The following SLC44A1 variants were observed in gnomAD, a reference collection of about 807,000 sequenced individuals.
SLC44A1 encodes solute carrier family 44 member 1, also known as choline transporter-like protein 1.
A neutral mutation model predicts 79.3 loss-of-function variants in SLC44A1; 26 were observed. That is an observed-to-expected ratio of 0.33 (90% CI 0.24 to 0.46). The LOEUF (loss-of-function observed/expected upper bound fraction) is 0.46. Among genes scored for constraint, SLC44A1 ranks in the 20% least tolerant of loss-of-function variants. SLC44A1 has a pLI of 1.00. For missense variants in SLC44A1, 688 were observed against 798.1 expected (o/e 0.86, Z 1.66); for synonymous variants, 263 against 286.2 (o/e 0.92, Z 0.82).
At position 105,392,898 on chromosome 9, in the gene SLC44A1, G is replaced by C; in HGVS notation, c.*3842G>C. 2.0e-6 allele frequency: 2 copies of C among 985,134 alleles called. No individual in the cohort carries two copies. The highest frequency in any genetic ancestry group is 2.4e-6 in the Non-Finnish European group (2 of 829,756). 61.0% of individuals were successfully genotyped at this position (985,134 alleles called of 1,614,324 possible). On this transcript the variant is annotated 3_prime_UTR_variant, in exon 16 of 16. Transcript: ENST00000374720. ...CCTCTGAGAAGTTTCCTCCAGAAAG[G>C]TCTTTAAGCTTTCGCTTTTCAATAA...
intron 1 of SLC44A1, among the ~76,000 whole-genome samples, chr9:105,279,614 C>A (rs989278901): frequency 2.0e-4 from 31 of 152,252 alleles, no homozygotes; most frequent in African/African-American, 7.5e-4. Flanking sequence ...CTGCGCCTGG[C>A]CGAGAAAACT....
chr9:105,330,200 G>T (rs923341644), intron 3 of SLC44A1, among the ~76,000 whole-genome samples: 2 of 152,122 alleles, frequency 1.3e-5, no homozygotes, highest in Non-Finnish European at 2.9e-5. Context: ...GTCTGTCAGG[G>T]ATCCCAGAAG....
intron 3 of SLC44A1, among the ~76,000 whole-genome samples, chr9:105,320,350 T>C (rs1450259972): frequency 6.6e-6 from 1 of 151,102 alleles, no homozygotes; most frequent in Admixed American, 6.6e-5. Flanking sequence ...AATTTGTGTA[T>C]GTAATTTAAT....
At chr9:105,286,963 TTAAAAAA>T (rs1830493288) in intron 1 of SLC44A1, among the ~76,000 whole-genome samples, 1 of 152,052 alleles carries the variant, frequency 6.6e-6, no homozygotes, top group African/African-American at 2.4e-5. Flanking sequence ...GATTCTCTCT[TTAAAAAA>T]TAAATAAAAT....
chr9:105,362,852 G>T lies in SLC44A1; in HGVS notation c.932G>T (p.Arg311Leu). Residue 311 changes from arginine (R) to leucine (L), a missense_variant, in exon 9 of 16, where the codon CGC (arginine) becomes CTC (leucine). Coordinates refer to ENST00000374720, the MANE Select transcript of SLC44A1 (RefSeq NM_080546.5). ...TTATTCCTGATAATGTTGGTTATGC[G>T]CAAACGTGTTGCTCTTACCATCGCC... The part of the protein sequence containing the change: ...VILFLIMLVM[R>L]KRVALTIALF... 1 of 1,609,568 alleles carries T rather than the reference G, an allele frequency of 6.2e-7. No homozygotes were observed. Among genetic ancestry groups the T allele is most frequent in the Non-Finnish European group, 8.5e-7 (1 of 1,178,436 alleles).
chr9:105,411,277 A>G (rs936249465), intron 15 of SLC44A1, among the ~76,000 whole-genome samples: 6 of 152,130 alleles, frequency 3.9e-5, no homozygotes, highest in African/African-American at 1.4e-4. Context: ...CTTCATCTAC[A>G]TTCCCTAAAT....
Position 105,397,337 on chromosome 9 carries a change from T to A in SLC44A1, c.*8281T>A. On this transcript the variant is annotated 3_prime_UTR_variant, in exon 16 of 16. Transcript: ENST00000374720. ...TTTTTATGTAATAAATAAAATTTTA[T>A]AGGAAAGAATGTTATTGTCTACTGT... is the stretch of plus-strand genomic sequence containing the variant. The A allele has an allele frequency of 1.0e-6, 1 of 980,826 alleles. No homozygotes were observed. Among genetic ancestry groups the A allele is most frequent in the Non-Finnish European group, 1.2e-6 (1 of 825,704 alleles). The allele number at this position is 980,826 out of a possible 1,614,324, so 60.8% of individuals were successfully genotyped here. A position where few individuals can be genotyped will look rare whatever the true frequency, so the allele number is the denominator to read the frequency against.
chr9:105,261,068 C>T (rs548424540), intron 1 of SLC44A1, among the ~76,000 whole-genome samples: 1 of 152,190 alleles, frequency 6.6e-6, no homozygotes, highest in East Asian at 1.9e-4. Context: ...GGGAATGAAC[C>T]TGAAAATTAA....
intron 1 of SLC44A1, among the ~76,000 whole-genome samples, chr9:105,288,755 GTTAT>G (rs1830534831): frequency 1.3e-5 from 2 of 152,182 alleles, no homozygotes; most frequent in Non-Finnish European, 2.9e-5. Flanking sequence ...CTTAACCAAT[GTTAT>G]CAGCGTTCTG....
intron 1 of SLC44A1, among the ~76,000 whole-genome samples, chr9:105,285,031 T>G (rs1488603803): frequency 6.6e-6 from 1 of 152,268 alleles, no homozygotes; most frequent in Non-Finnish European, 1.5e-5. Context: ...GTGCCTGGTT[T>G]CTTTCACTTA....
Position 105,395,720 on chromosome 9 carries a change from T to C in SLC44A1, c.*6664T>C. 1 of 985,264 alleles carries C rather than the reference T, an allele frequency of 1.0e-6. No homozygotes were observed. Among genetic ancestry groups the C allele is most frequent in the Non-Finnish European group, 1.2e-6 (1 of 829,820 alleles). The allele number at this position is 985,264 out of a possible 1,614,324, so 61.0% of individuals were successfully genotyped here. On this transcript the variant is annotated 3_prime_UTR_variant, in exon 16 of 16. Transcript: ENST00000374720. ...CCACCCATCCTGTCAGCTAGGATTA[T>C]AATTTGAACTGTCGTTTCAGGAGCA...
rs1180440813 is a variant in SLC44A1, at chr9:105,299,118, G to T, written c.37-102G>T. The T allele has an allele frequency of 7.6e-6, 6 of 791,698 alleles. No individual in the cohort carries two copies. The Admixed American group carries it at 8.1e-5, about 11-fold the overall frequency. The allele number at this position is 791,698 out of a possible 1,614,324, so 49.0% of individuals were successfully genotyped here. On this transcript the variant is annotated intron_variant, in intron 1 of 15. Coordinates refer to ENST00000374720, the MANE Select transcript of SLC44A1 (RefSeq NM_080546.5). ...TGTCTTAAAGGTTCAATAGAAACTTGTTTGGCAAAGAAGGGCTCTAGCTAT... is the reference window on the plus strand; with the variant it reads ...TGTCTTAAAGGTTCAATAGAAACTTTTTTGGCAAAGAAGGGCTCTAGCTAT...
intron 1 of SLC44A1, among the ~76,000 whole-genome samples, chr9:105,282,078 G>A (rs528515228): frequency 2.0e-5 from 3 of 152,294 alleles, no homozygotes; most frequent in Admixed American, 6.5e-5. Context: ...ATAAATTGCC[G>A]TAATTGTATA....
At chr9:105,421,085 G>T (rs780507120) in intron 15 of SLC44A1, among the ~76,000 whole-genome samples, 5 of 152,100 alleles carry the variant, frequency 3.3e-5, no homozygotes, top group Non-Finnish European at 7.4e-5. Context: ...AAAGGCAGGT[G>T]TTAAGCGTTT....
chr9:105,405,994 A>G (rs1362736680), intron 15 of SLC44A1, among the ~76,000 whole-genome samples: 2 of 152,194 alleles, frequency 1.3e-5, no homozygotes, highest in East Asian at 3.9e-4. Flanking sequence ...TGAGAAGACC[A>G]CAAACGTTCG....
At position 105,396,258 on chromosome 9, in the gene SLC44A1, C is replaced by A. The variant is rs895923859; in HGVS notation, c.*7202C>A. The stretch of plus-strand genomic sequence containing the variant: ...AGAATATTCTGGACCACTGAATGCA[C>A]TTCTAATAGAGCTTTAATCTAAAGA... On this transcript the variant is annotated 3_prime_UTR_variant, in exon 16 of 16. Transcript: ENST00000374720. 1 of 985,034 alleles carries A rather than the reference C, an allele frequency of 1.0e-6. No individual in the cohort carries two copies. Among genetic ancestry groups the A allele is most frequent in the East Asian group, 1.1e-4 (1 of 8,824 alleles). The allele number at this position is 985,034 out of a possible 1,614,324, so 61.0% of individuals were successfully genotyped here. A position where few individuals can be genotyped will look rare whatever the true frequency, so the allele number is the denominator to read the frequency against.
rs1294021950 is a variant in SLC44A1, at chr9:105,391,240, AT to A, written c.*2185del. On this transcript the variant is annotated 3_prime_UTR_variant, in exon 16 of 16. Transcript: ENST00000374720. ...GGACTGTTGCTGCTCCCTGTTCCAT[AT>A]GCTCGCAATCTCAGCTATTTGGAAG... 3.0e-6 allele frequency: 3 copies of A among 985,642 alleles called. No homozygotes were observed. The highest frequency in any genetic ancestry group is 9.4e-5 in the South Asian group (2 of 21,284). 61.1% of individuals were successfully genotyped at this position (985,642 alleles called of 1,614,324 possible).
intron 1 of SLC44A1, among the ~76,000 whole-genome samples, chr9:105,284,112 CTT>C (rs1440695349): frequency 4.6e-5 from 7 of 152,162 alleles, no homozygotes; most frequent in South Asian, 2.1e-4. Flanking sequence ...ATCTGTCACA[CTT>C]TTATTTTTCA....
At chr9:105,345,109 G>C (rs1324286171) in intron 4 of SLC44A1, among the ~76,000 whole-genome samples, 2 of 152,144 alleles carry the variant, frequency 1.3e-5, no homozygotes, top group Admixed American at 1.3e-4. Context: ...TCATCCTGAG[G>C]ATAGAGATAT....
Sources: allele counts gnomAD v4.1 joint callset (sites outside exome capture counted in the v4.1 genomes callset), GRCh38; gene constraint gnomAD v4.1.1; transcripts MANE v1.5; gene names NCBI Gene and HGNC (gene_info 2026-07-23, HGNC 2026-07-21).